Variants in CDK6 observed in about 807,000 individuals in gnomAD.
CDK6 encodes the protein cyclin-dependent kinase 6.
A neutral mutation model predicts 37.1 loss-of-function variants in CDK6; 6 were observed. The ratio of observed to expected loss-of-function variants is 0.16; its 90% CI spans 0.09 to 0.32. CDK6 has a LOEUF of 0.32. Among genes scored for constraint, CDK6 ranks in the 10% least tolerant of loss-of-function variants. The pLI, the probability that CDK6 is intolerant of heterozygous loss-of-function variation, is 1.00. For missense variants in CDK6, 224 were observed against 418.9 expected, an observed-to-expected ratio of 0.53 and a Z score of 4.06; for synonymous variants, 160 against 161.3, an observed-to-expected ratio of 0.99 and a Z score of 0.06.
intron 4 of CDK6, among the ~76,000 whole-genome samples, chr7:92,714,922 T>C (rs951687694): frequency 2.2e-4 from 33 of 152,158 alleles, no homozygotes; most frequent in African/African-American, 7.7e-4. Context: ...TCTTTCCCAC[T>C]GTAAAAAGGT....
Position 92,833,373 on chromosome 7 carries a change from C to G in CDK6, c.-50G>C, listed in dbSNP as rs755183469. The G allele has an allele frequency of 1.5e-6, 2 of 1,353,554 alleles. No homozygotes were observed. The highest frequency in any genetic ancestry group is 2.0e-6 in the Non-Finnish European group (2 of 997,136). 83.8% of individuals were successfully genotyped at this position (1,353,554 alleles called of 1,614,324 possible). A position where few individuals can be genotyped will look rare whatever the true frequency, so the allele number is the denominator to read the frequency against. On this transcript the variant is annotated 5_prime_UTR_variant, in exon 2 of 8. Coordinates refer to ENST00000424848, the MANE Select transcript of CDK6 (RefSeq NM_001145306.2). This position sits in a 1 kb window ranked among gnomAD's most constrained non-coding sequence, Gnocchi z 6.1. ...GCGCCGCTGGGGCGGGCGGGGGGTG[C>G]GCTCAACTAGCTGGCGGCCGCCGCT...
At chr7:92,747,109 C>T (rs1799079360) in intron 3 of CDK6, among the ~76,000 whole-genome samples, 1 of 152,226 alleles carries the variant, frequency 6.6e-6, no homozygotes, top group African/African-American at 2.4e-5. Flanking sequence ...CTATTCCAGG[C>T]CAAATTCAAC....
intron 3 of CDK6, among the ~76,000 whole-genome samples, chr7:92,740,441 G>A (rs935478583): frequency 7.2e-5 from 11 of 152,070 alleles, no homozygotes; most frequent in Non-Finnish European, 1.2e-4. Context: ...TTATGTGCCC[G>A]CCTCGTATAA....
chr7:92,609,858 T>C lies in CDK6; in HGVS notation c.*5282A>G, dbSNP rs892063236. 2.6e-5 allele frequency: 6 copies of C among 230,506 alleles called. No individual in the cohort carries two copies. The highest frequency in any genetic ancestry group is 3.4e-5 in the Non-Finnish European group (4 of 116,484). The allele number at this position is 230,506 out of a possible 1,614,324, so 14.3% of individuals were successfully genotyped here. A position where few individuals can be genotyped will look rare whatever the true frequency, so the allele number is the denominator to read the frequency against. ...GACTAGGCTTTCTTTACTTAAATGATCAAAATGGGTGTATTATCCATCCTT... is the reference window on the plus strand; with the variant it reads ...GACTAGGCTTTCTTTACTTAAATGACCAAAATGGGTGTATTATCCATCCTT... On this transcript the variant is annotated 3_prime_UTR_variant, in exon 8 of 8. Coordinates refer to ENST00000424848, the MANE Select transcript of CDK6 (RefSeq NM_001145306.2).
At chr7:92,814,474 A>AT (rs1800971367) in intron 2 of CDK6, among the ~76,000 whole-genome samples, 1 of 151,944 alleles carries the variant, frequency 6.6e-6, no homozygotes, top group Non-Finnish European at 1.5e-5. Flanking sequence ...GAACTGCTGC[A>AT]TAACAAAAAC....
At chr7:92,698,974 C>T (rs1176592945) in intron 4 of CDK6, among the ~76,000 whole-genome samples, 1 of 152,104 alleles carries the variant, frequency 6.6e-6, no homozygotes, top group Non-Finnish European at 1.5e-5. Flanking sequence ...AAGCATGCTA[C>T]TATTATAAAG....
At chr7:92,827,529 A>G (rs1056268218) in intron 2 of CDK6, among the ~76,000 whole-genome samples, 21 of 152,194 alleles carry the variant, frequency 1.4e-4, no homozygotes, top group African/African-American at 4.6e-4. Flanking sequence ...CAGGTATGGC[A>G]GCAAACTGGT....
At chr7:92,777,134 T>C (rs568386515) in intron 2 of CDK6, among the ~76,000 whole-genome samples, 1 of 152,370 alleles carries the variant, frequency 6.6e-6, no homozygotes, top group South Asian at 2.1e-4. Context: ...TAGCCAGTTT[T>C]CCCAACATCA....
chr7:92,734,369 C>A (rs1358013051), intron 3 of CDK6, among the ~76,000 whole-genome samples: 4 of 152,198 alleles, frequency 2.6e-5, no homozygotes, highest in African/African-American at 4.8e-5. Flanking sequence ...AAAGTGTAAA[C>A]CTGATCCTAT....
chr7:92,676,836 G>A (rs551051817), intron 4 of CDK6, among the ~76,000 whole-genome samples: 1 of 152,030 alleles, frequency 6.6e-6, no homozygotes, highest in East Asian at 1.9e-4. Context: ...GTGGGCGCTT[G>A]TAGTCCCAGC....
At chr7:92,623,506 T>C (rs982582476) in intron 5 of CDK6, among the ~76,000 whole-genome samples, 1 of 152,178 alleles carries the variant, frequency 6.6e-6, no homozygotes, top group African/African-American at 2.4e-5. Context: ...TCAGAGTACT[T>C]CCTCATGGGT....
intron 4 of CDK6, among the ~76,000 whole-genome samples, chr7:92,689,295 T>C (rs1007566222): frequency 1.3e-5 from 2 of 152,208 alleles, no homozygotes; most frequent in African/African-American, 4.8e-5. Flanking sequence ...CCCTTCTATG[T>C]GTCCACATGT....
chr7:92,626,411 G>A (rs539031825), intron 5 of CDK6, among the ~76,000 whole-genome samples: 3 of 151,996 alleles, frequency 2.0e-5, no homozygotes, highest in African/African-American at 4.8e-5. Context: ...CAGAAGTCGC[G>A]GTAATCGTTT....
Position 92,833,026 on chromosome 7 carries a change from T to A in CDK6, c.233+65A>T, listed in dbSNP as rs942434274. 7.6e-6 allele frequency: 9 copies of A among 1,186,844 alleles called. No individual in the cohort carries two copies. In the East Asian group the frequency reaches 2.0e-4, roughly 27 times the overall value. 73.5% of individuals were successfully genotyped at this position (1,186,844 alleles called of 1,614,324 possible). ...CCCGCACCTTTCTGGGCCTGAGGATTCCCGGCTCGGCCCTCCCCGCGCGCG... is the reference window on the plus strand; with the variant it reads ...CCCGCACCTTTCTGGGCCTGAGGATACCCGGCTCGGCCCTCCCCGCGCGCG... On this transcript the variant is annotated intron_variant, in intron 2 of 7. Transcript: ENST00000424848. The surrounding 1 kb of genome is among the most constrained non-coding windows in gnomAD (Gnocchi z 6.1).
chr7:92,738,843 A>C (rs1233892730), intron 3 of CDK6, among the ~76,000 whole-genome samples: 1 of 147,392 alleles, frequency 6.8e-6, no homozygotes, highest in African/African-American at 2.6e-5. Flanking sequence ...GTTTTCTTAA[A>C]CGTGCGCCTC....
At chr7:92,644,939 T>C (rs897824331) in intron 5 of CDK6, among the ~76,000 whole-genome samples, 2 of 152,168 alleles carry the variant, frequency 1.3e-5, no homozygotes, top group Non-Finnish European at 2.9e-5. Context: ...GTGCTGCATG[T>C]CCAAAGAGGC....
Position 92,730,836 on chromosome 7 carries a change from A to G in CDK6, c.370-5043T>C, listed in dbSNP as rs1419501038. Among the ~76,000 whole-genome samples the G allele has an allele frequency of 3.3e-5, 5 of 152,338 alleles. No homozygotes were observed. In the South Asian group the frequency reaches 1.0e-3, roughly 32 times the overall value. ...TTTGGCTGCTGTGAATATTGCTGCT[A>G]TGAACACAGGTGTAGAATGATCTCT... On this transcript the variant is annotated intron_variant, in intron 3 of 7. Transcript: ENST00000424848.
At chr7:92,621,392 G>A (rs575287117) in intron 6 of CDK6, among the ~76,000 whole-genome samples, 4 of 152,228 alleles carry the variant, frequency 2.6e-5, no homozygotes, top group Admixed American at 6.5e-5. Context: ...CAAACATGCC[G>A]GTCAAATGTT....
chr7:92,735,798 C>T (rs979232008), intron 3 of CDK6, among the ~76,000 whole-genome samples: 7 of 152,172 alleles, frequency 4.6e-5, no homozygotes, highest in African/African-American at 1.7e-4. Flanking sequence ...ATAGAACATT[C>T]TCACCGATTA....
Sources: allele counts gnomAD v4.1 joint callset (sites outside exome capture counted in the v4.1 genomes callset), GRCh38; gene constraint gnomAD v4.1.1; non-coding constraint Gnocchi (gnomAD v3.1); transcripts MANE v1.5; gene names NCBI Gene and HGNC (gene_info 2026-07-23, HGNC 2026-07-21).